The following SLC38A8 variants were observed in gnomAD, a reference collection of about 807,000 sequenced individuals.
The protein encoded by SLC38A8 is amino acid transporter SLC38A8.
A neutral mutation model predicts 46.0 loss-of-function variants in SLC38A8; 65 were observed. That is an observed-to-expected ratio of 1.41 (90% CI 1.16 to 1.74). SLC38A8 has a LOEUF of 1.74. Among genes scored for constraint, SLC38A8 ranks in the 40% most tolerant of loss-of-function variants. SLC38A8 has a pLI of 0.00. For missense variants in SLC38A8, 998 were observed against 567.9 expected (o/e 1.76, Z -7.70); for synonymous variants, 447 against 243.7 (o/e 1.83, Z -7.77).
rs113733057 is a variant in SLC38A8, at chr16:84,016,654, C to A, written c.1027G>T (p.Gly343Trp). ...GTCAGCGGCATCCGGACCCACAGCC[C>A]TGAGGGGTCGGCCAGGGCGCTGGGC... ...WGPSALADPS[G>W]LWVRMPLTIL... Residue 343 changes from glycine (G) to tryptophan (W), a missense_variant, in exon 9 of 11, where the codon GGG (glycine) becomes TGG (tryptophan). Gly to Trp is a radical substitution (Grantham distance 184). Transcript: ENST00000299709. 1.2e-6 allele frequency: 2 copies of A among 1,613,860 alleles called. No individual in the cohort carries two copies. Among genetic ancestry groups the A allele is most frequent in the Non-Finnish European group, 1.7e-6 (2 of 1,180,028 alleles).
At chr16:84,023,442 A>C (rs1184302021) in intron 6 of SLC38A8, among the ~76,000 whole-genome samples, 3 of 152,120 alleles carry the variant, frequency 2.0e-5, no homozygotes, top group African/African-American at 7.2e-5. Context: ...TTTTCTTAAG[A>C]TTTTGAGCGT....
Position 84,017,259 on chromosome 16 carries a change from T to C in SLC38A8, c.834A>G (p.Thr278=). 2 of 1,614,132 alleles carry C rather than the reference T, an allele frequency of 1.2e-6. No homozygotes were observed. The highest frequency in any genetic ancestry group is 1.7e-6 in the Non-Finnish European group (2 of 1,180,030). The change falls in exon 8 of 11, where the codon ACA becomes ACG. Residue 278 remains threonine, a synonymous_variant. Transcript: ENST00000299709. ...TGVYGFLTFG[T]EVSADVLMSY... is the part of the protein sequence containing the mutation. ...ACATCAAGACGTCAGCAGAAACTTC[T>C]GTCCCAAAAGTCAGGAAGCCATAAA...
In SLC38A8 at chr16:84,010,899, G is replaced by C. The variant is rs574849956; in HGVS notation, c.1215-1022C>G. Among the ~76,000 whole-genome samples, 64 of 152,300 alleles carry C rather than the reference G, an allele frequency of 4.2e-4. 2 individuals are homozygous for C. Among genetic ancestry groups the C allele is most frequent in the Middle Eastern group, 3.4e-3 (1 of 294 alleles). On this transcript the variant is annotated intron_variant, in intron 10 of 10. Transcript: ENST00000299709. ...ACGATCTCAGAGGGGTAGGGGACGA[G>C]GACGCAGGAGGCAGAGGTGGCTGGG...
chr16:84,012,817 C>T (rs543610535), intron 10 of SLC38A8, among the ~76,000 whole-genome samples, 184 bp downstream of exon 10: 1 of 152,204 alleles, frequency 6.6e-6, no homozygotes, highest in South Asian at 2.1e-4. Context: ...TGTTACTGGC[C>T]CGGGCTCCTA....
Position 84,036,823 on chromosome 16 carries a change from CT to C in SLC38A8, c.266del (p.Gln89ArgfsTer26). On this transcript the variant is annotated frameshift_variant, in exon 3 of 11. Transcript: ENST00000299709. LOFTEE classifies it high-confidence loss of function. Reference protein sequence around the residue: ...AAAVSGQATYQGVVRGLCGPA... With the variant: ...AAAVSGQATYXGVVRGLCGPA... The stretch of plus-strand genomic sequence containing the variant: ...GGCCACACAGCCCCCTGACCACACC[CT>C]GGTAGGTGGCCTGGCCACTGACAGC... 6.2e-7 allele frequency: 1 copy of C among 1,614,064 alleles called. No individual in the cohort carries two copies. Among genetic ancestry groups the C allele is most frequent in the Non-Finnish European group, 8.5e-7 (1 of 1,180,012 alleles).
At chr16:84,026,918 G>C (rs556847922) in intron 6 of SLC38A8, among the ~76,000 whole-genome samples, 2 of 152,302 alleles carry the variant, frequency 1.3e-5, no homozygotes, top group East Asian at 1.9e-4. Context: ...GGGTTTCTTC[G>C]AGGGGCAACA....
intron 6 of SLC38A8, among the ~76,000 whole-genome samples, chr16:84,029,112 G>A (rs1297065734): frequency 6.6e-6 from 1 of 152,176 alleles, no homozygotes; most frequent in Non-Finnish European, 1.5e-5. Context: ...AAACTGTCCT[G>A]CCAGAGTTAG....
rs545000983 is a variant in SLC38A8, at chr16:84,016,395, G to A, written c.1162+124C>T. 22 of 1,087,504 alleles carry A rather than the reference G, an allele frequency of 2.0e-5. No homozygotes were observed. The East Asian group carries it at 3.4e-4, about 17-fold the overall frequency. The allele number at this position is 1,087,504 out of a possible 1,614,324, so 67.4% of individuals were successfully genotyped here. On this transcript the variant is annotated intron_variant, in intron 9 of 10. Transcript: ENST00000299709. ...CTCAATAAAAAGGGCACCTACATGGGGTCTTAATCCTACCCATATGTGGCT... is the reference window on the plus strand; with the variant it reads ...CTCAATAAAAAGGGCACCTACATGGAGTCTTAATCCTACCCATATGTGGCT...
intron 2 of SLC38A8, among the ~76,000 whole-genome samples, chr16:84,038,177 G>A (rs571562774): frequency 6.6e-6 from 1 of 152,000 alleles, no homozygotes; most frequent in African/African-American, 2.4e-5. Flanking sequence ...CAGGCATGGT[G>A]GCACATGCCT....
In SLC38A8 at chr16:84,017,418, G is replaced by C. The variant is rs1438671604; in HGVS notation, c.806-131C>G. 4 of 1,083,224 alleles carry C rather than the reference G, an allele frequency of 3.7e-6. No homozygotes were observed. In the Admixed American group the frequency reaches 1.0e-4, roughly 28 times the overall value. 67.1% of individuals were successfully genotyped at this position (1,083,224 alleles called of 1,614,324 possible). Reference sequence around the variant, plus strand: ...TAGGAGCTGAAAGAAGGTTCTGGAAGGGATAGCCCAAAGCTTTCCTGTCCT... The same window carrying C: ...TAGGAGCTGAAAGAAGGTTCTGGAACGGATAGCCCAAAGCTTTCCTGTCCT... On this transcript the variant is annotated intron_variant, in intron 7 of 10. Transcript: ENST00000299709.
intron 6 of SLC38A8, among the ~76,000 whole-genome samples, chr16:84,026,748 A>G (rs367612697): frequency 1.1e-4 from 17 of 152,224 alleles, no homozygotes; most frequent in African/African-American, 4.1e-4. Context: ...TGGCTACAAC[A>G]TGGATGAATC....
Position 84,036,881 on chromosome 16 carries a change from A to T in SLC38A8, c.209T>A (p.Ile70Asn). 6.2e-7 allele frequency: 1 copy of T among 1,612,730 alleles called. No homozygotes were observed. The highest frequency in any genetic ancestry group is 8.5e-7 in the Non-Finnish European group (1 of 1,179,902). ...ATAGCCCAGGATGACCAGCCCGCTGATCAGGAAGACCAACGAGACCTGCGG... is the reference window on the plus strand; with the variant it reads ...ATAGCCCAGGATGACCAGCCCGCTGTTCAGGAAGACCAACGAGACCTGCGG... ...LVELVSLVFL[I>N]SGLVILGYAA... is the part of the protein sequence containing the mutation. The change falls in exon 3 of 11, where the codon ATC becomes AAC. Residue 70 changes from isoleucine to asparagine, a missense_variant. Physicochemically the swap from Ile to Asn is moderately radical, Grantham distance 149. Transcript: ENST00000299709.
At chr16:84,017,453 C>T (rs149622637) in intron 7 of SLC38A8, among the ~76,000 whole-genome samples, 166 bp from the exon 8 acceptor site, 4 of 152,328 alleles carry the variant, frequency 2.6e-5, no homozygotes, top group African/African-American at 7.2e-5. Context: ...TAAGCCTACA[C>T]ATGACTGTGC....
chr16:84,035,573 G>A (rs1209548821), intron 3 of SLC38A8, among the ~76,000 whole-genome samples: 1 of 152,136 alleles, frequency 6.6e-6, no homozygotes, highest in Non-Finnish European at 1.5e-5. Context: ...CCATTCTCAG[G>A]CTGGTGTTGC....
intron 10 of SLC38A8, 151 bp from the exon 11 acceptor site, chr16:84,010,028 A>T: frequency 6.5e-6 from 3 of 461,164 alleles, no homozygotes; most frequent in Non-Finnish European, 1.1e-5. Flanking sequence ...ACCTGTAGGG[A>T]TGGGTTTCCA....
chr16:84,023,333 G>C (rs1481545004), intron 6 of SLC38A8, among the ~76,000 whole-genome samples: 1 of 152,060 alleles, frequency 6.6e-6, no homozygotes, highest in African/African-American at 2.4e-5. Context: ...CAGGAATAAA[G>C]GCTCTTGTAC....
chr16:84,032,463 A>G (rs1206479550), intron 4 of SLC38A8, among the ~76,000 whole-genome samples: 1 of 152,214 alleles, frequency 6.6e-6, no homozygotes, highest in Non-Finnish European at 1.5e-5. Flanking sequence ...CTGGAATTAC[A>G]GGTGTGACGC....
In SLC38A8 at chr16:84,009,669, A is replaced by C; in HGVS notation, c.*115T>G. On this transcript the variant is annotated 3_prime_UTR_variant, in exon 11 of 11. Coordinates refer to ENST00000299709, the MANE Select transcript of SLC38A8 (RefSeq NM_001080442.3). ...GCAGCCCAAGGAGGCAGAAGGCATC[A>C]GTCTCTCCAGCATCTTTATGAGGAA... is the stretch of plus-strand genomic sequence containing the variant. 1.2e-6 allele frequency: 1 copy of C among 847,118 alleles called. No individual in the cohort carries two copies. The highest frequency in any genetic ancestry group is 1.8e-6 in the Non-Finnish European group (1 of 555,864). The allele number at this position is 847,118 out of a possible 1,614,324, so 52.5% of individuals were successfully genotyped here.
chr16:84,036,602 G>T, intron 3 of SLC38A8, 100 bp downstream of exon 3: 1 of 1,372,480 alleles, frequency 7.3e-7, no homozygotes, highest in Non-Finnish European at 1.0e-6. Context: ...TGTCCCTCAG[G>T]GCCCAGGCCA....
Sources: allele counts gnomAD v4.1 joint callset (sites outside exome capture counted in the v4.1 genomes callset), GRCh38; gene constraint gnomAD v4.1.1; transcripts MANE v1.5; gene names NCBI Gene and HGNC (gene_info 2026-07-23, HGNC 2026-07-21).